PTK2B: variants seen among roughly 807,000 people sequenced by gnomAD.
PTK2B encodes protein tyrosine kinase 2 beta.
A neutral mutation model predicts 142.9 loss-of-function variants in PTK2B; 71 were observed. That is an observed-to-expected ratio of 0.50 (90% CI 0.41 to 0.61). PTK2B has a LOEUF of 0.61. PTK2B is among the 20% of genes least tolerant of loss of function. PTK2B has a pLI of 0.00. For missense variants in PTK2B, 1,105 were observed against 1,320.4 expected (o/e 0.84, Z 2.53); for synonymous variants, 519 against 503.4 (o/e 1.03, Z -0.42).
At chr8:27,397,456 T>C (rs1808120787) in intron 1 of PTK2B, 92 bp from the exon 2 acceptor site, 2 of 959,996 alleles carry the variant, frequency 2.1e-6, no homozygotes, top group South Asian at 2.9e-5. Context: ...TTTGTGTCTG[T>C]CTTGGAGCTC....
intron 1 of PTK2B, among the ~76,000 whole-genome samples, chr8:27,382,556 GTT>G (rs759152107): frequency 3.4e-5 from 5 of 146,598 alleles, no homozygotes; most frequent in African/African-American, 1.0e-4. Context: ...TGCTGTCTCT[GTT>G]TTTTTTTTTA....
upstream of PTK2B, chr8:27,323,176 C>T (rs1803260901): frequency 6.6e-6 from 1 of 152,216 alleles, no homozygotes; most frequent in Non-Finnish European, 1.5e-5. Flanking sequence ...TTGTGGGACT[C>T]CCAGGACTTA....
At position 27,439,023 on chromosome 8, in the gene PTK2B, T is replaced by G. The variant is rs545160919; in HGVS notation, c.1644-8T>G. On this transcript the variant is annotated splice_region_variant and splice_polypyrimidine_tract_variant and intron_variant, in intron 18 of 30. Coordinates refer to ENST00000346049, the MANE Select transcript of PTK2B (RefSeq NM_173176.3). The stretch of plus-strand genomic sequence containing the variant: ...TGCCTCATCCTGGTCTTGATGCCCT[T>G]CTTCCAGGGACATTGCTGTCCGGAA... The G allele has an allele frequency of 1.1e-5, 18 of 1,611,784 alleles. No individual in the cohort carries two copies. In the East Asian group the frequency reaches 3.8e-4, roughly 34 times the overall value.
At chr8:27,423,249 T>C (rs941740661) in intron 5 of PTK2B, among the ~76,000 whole-genome samples, 4 of 152,006 alleles carry the variant, frequency 2.6e-5, no homozygotes, top group African/African-American at 9.7e-5. Flanking sequence ...CTGAGGAGGG[T>C]GATATGGCTG....
intron 13 of PTK2B, 65 bp from the exon 14 acceptor site, chr8:27,435,678 C>T (rs1261756717): frequency 3.8e-6 from 6 of 1,584,148 alleles, no homozygotes; most frequent in Non-Finnish European, 4.3e-6. Flanking sequence ...AGCCCCACAC[C>T]TGATTCCTGG....
intron 1 of PTK2B, among the ~76,000 whole-genome samples, chr8:27,345,021 G>C (rs1715091357): frequency 6.6e-6 from 1 of 152,194 alleles, no homozygotes; most frequent in Non-Finnish European, 1.5e-5. Flanking sequence ...AAATTAGCCA[G>C]ACATGGTGGT....
chr8:27,340,866 C>T (rs772654891), intron 1 of PTK2B, among the ~76,000 whole-genome samples: 2 of 152,194 alleles, frequency 1.3e-5, no homozygotes, highest in Non-Finnish European at 2.9e-5. Flanking sequence ...GAAGGAAGAA[C>T]CCACTTCCTG....
intron 28 of PTK2B, chr8:27,453,942 C>A: frequency 1.7e-6 from 1 of 589,704 alleles, no homozygotes; most frequent in Non-Finnish European, 2.9e-6. Flanking sequence ...TGTGAGGCTA[C>A]CACTAGTATT....
At chr8:27,356,207 G>C (rs916895886) in intron 1 of PTK2B, among the ~76,000 whole-genome samples, 2 of 152,254 alleles carry the variant, frequency 1.3e-5, no homozygotes, top group Middle Eastern at 3.4e-3. Context: ...TATGATCGCA[G>C]GTTGGGGTGG....
intron 1 of PTK2B, among the ~76,000 whole-genome samples, chr8:27,362,406 A>T (rs181804355): frequency 6.6e-6 from 1 of 152,166 alleles, no homozygotes; most frequent in Non-Finnish European, 1.5e-5. Flanking sequence ...TTCTAGCCCA[A>T]TGGAGAAGGG....
At chr8:27,424,811 C>A (rs968264647) in intron 5 of PTK2B, among the ~76,000 whole-genome samples, 1 of 152,060 alleles carries the variant, frequency 6.6e-6, no homozygotes, top group African/African-American at 2.4e-5. Flanking sequence ...GGGCAATAAC[C>A]CCTTGTCCTA....
intron 21 of PTK2B, 22 bp downstream of exon 21, chr8:27,440,463 T>G (rs757412724): frequency 2.1e-5 from 34 of 1,611,066 alleles, no homozygotes; most frequent in Middle Eastern, 1.9e-4. Flanking sequence ...GTGTGGGCTG[T>G]GGGCTGGGGG....
chr8:27,432,399 CA>C, intron 10 of PTK2B, 38 bp downstream of exon 10: 1 of 1,588,578 alleles, frequency 6.3e-7, no homozygotes, highest in Non-Finnish European at 8.6e-7. Flanking sequence ...GGCAGCTCTG[CA>C]GGGGGTATAA....
At chr8:27,431,893 G>A (rs1275269768) in intron 9 of PTK2B, among the ~76,000 whole-genome samples, 2 of 152,194 alleles carry the variant, frequency 1.3e-5, no homozygotes, top group Admixed American at 6.5e-5. Flanking sequence ...GCATAGGGAG[G>A]GGCTTGGTCT....
At chr8:27,404,827 G>C (rs560013946) in intron 2 of PTK2B, among the ~76,000 whole-genome samples, 72 of 152,270 alleles carry the variant, frequency 4.7e-4, no homozygotes, top group African/African-American at 1.4e-3. Context: ...TTATGGACTG[G>C]ATATTTATGT....
rs755710624 is a variant in PTK2B, at chr8:27,440,281, T to C, written c.1879T>C (p.Phe627Leu). The C allele has an allele frequency of 6.2e-7, 1 of 1,614,202 alleles. No homozygotes were observed. The highest frequency in any genetic ancestry group is 1.3e-5 in the African/African-American group (1 of 75,056). ...EILSFGKQPF[F>L]WLENKDVIGV... ...CCTGAGCTTTGGGAAGCAGCCCTTC[T>C]TCTGGCTGGAGAACAAGGATGTCAT... The change falls in exon 21 of 31, where the codon TTC (phenylalanine) becomes CTC (leucine). Residue 627 changes from phenylalanine (F) to leucine (L), a missense_variant. Physicochemically the swap from Phe to Leu is conservative, Grantham distance 22 (BLOSUM62 0). Coordinates refer to ENST00000346049, the MANE Select transcript of PTK2B (RefSeq NM_173176.3).
intron 1 of PTK2B, among the ~76,000 whole-genome samples, chr8:27,364,299 T>G (rs1042112371): frequency 6.6e-6 from 1 of 152,222 alleles, no homozygotes; most frequent in African/African-American, 2.4e-5. Context: ...TTCGTTTCCA[T>G]ACTCCTGGGT....
chr8:27,419,102 C>T (rs550667216), intron 2 of PTK2B, among the ~76,000 whole-genome samples: 2 of 152,332 alleles, frequency 1.3e-5, no homozygotes, highest in East Asian at 1.9e-4. Flanking sequence ...GGCAGCTGCC[C>T]GGTTGGCCCA....
In PTK2B at chr8:27,401,001, T is replaced by C. The variant is rs1339636794; in HGVS notation, c.204+3213T>C. On this transcript the variant is annotated intron_variant, in intron 2 of 30. Transcript: ENST00000346049. Reference sequence around the variant, plus strand: ...TCTCTACCAAAAAATTAGCTGGGTATGGTGGTGTGCACCTGTAATCCCAGC... The same window carrying C: ...TCTCTACCAAAAAATTAGCTGGGTACGGTGGTGTGCACCTGTAATCCCAGC... 2.0e-5 allele frequency among the ~76,000 whole-genome samples: 3 copies of C among 148,100 alleles called. No individual in the cohort carries two copies. The East Asian group carries it at 5.9e-4, about 29-fold the overall frequency.
Sources: allele counts gnomAD v4.1 joint callset (sites outside exome capture counted in the v4.1 genomes callset), GRCh38; gene constraint gnomAD v4.1.1; transcripts MANE v1.5; gene names NCBI Gene and HGNC (gene_info 2026-07-23, HGNC 2026-07-21).